INCENP: variants seen among roughly 807,000 people sequenced by gnomAD.
INCENP encodes the protein inner centromere protein.
In INCENP, 43 loss-of-function variants were observed where a neutral mutation model predicts 107.3. The observed-to-expected ratio is 0.40, with a 90% CI of 0.31 to 0.52. The LOEUF is 0.52. Among genes scored for constraint, INCENP ranks in the 20% least tolerant of loss-of-function variants. The pLI, the probability that INCENP is intolerant of heterozygous loss-of-function variation, is 0.53. For missense variants in INCENP, 1,089 were observed against 1,250.9 expected (o/e 0.87, Z 1.95); for synonymous variants, 488 against 494.4 (o/e 0.99, Z 0.17).
At position 62,129,807 on chromosome 11, in the gene INCENP, A is replaced by T; in HGVS notation, c.280A>T (p.Ser94Cys). Residue 94 changes from serine to cysteine, a missense_variant, in exon 4 of 19, where the codon AGC (serine) becomes TGC (cysteine). Physicochemically the swap from Ser to Cys is moderately radical, Grantham distance 112. Transcript: ENST00000394818. ...RRLSRRKSRS[S>C]QLSSRRLRSK... Reference sequence around the variant, plus strand: ...GTTATCCCGCAGAAAGTCTCGGAGCAGCCAGCTGAGCTCCCGACGCCTCCG... The same window carrying T: ...GTTATCCCGCAGAAAGTCTCGGAGCTGCCAGCTGAGCTCCCGACGCCTCCG... 1 of 1,608,680 alleles carries T rather than the reference A, an allele frequency of 6.2e-7. No individual in the cohort carries two copies. The highest frequency in any genetic ancestry group is 1.1e-5 in the South Asian group (1 of 91,056).
intron 4 of INCENP, among the ~76,000 whole-genome samples, chr11:62,131,086 T>A (rs1223401864): frequency 6.6e-6 from 1 of 152,118 alleles, no homozygotes; most frequent in Admixed American, 6.5e-5. Context: ...CTGTGTTTGA[T>A]CTGGAGGAGG....
In INCENP at chr11:62,128,719, G is replaced by A. The variant is rs376259961; in HGVS notation, c.141-51G>A. The A allele has an allele frequency of 3.1e-6, 4 of 1,282,060 alleles. No homozygotes were observed. The Admixed American group carries it at 5.0e-5, about 16-fold the overall frequency. The allele number at this position is 1,282,060 out of a possible 1,614,324, so 79.4% of individuals were successfully genotyped here. On this transcript the variant is annotated intron_variant, in intron 2 of 18. Coordinates refer to ENST00000394818, the MANE Select transcript of INCENP (RefSeq NM_001040694.2). ...AGGGGCCAGGCTGGGTGGGAGAGGG[G>A]ACCAGTGGTTCCCAGGCAGCCTCGA...
At chr11:62,148,969 A>G (rs1477458834) in intron 17 of INCENP, 123 bp downstream of exon 17, 5 of 517,884 alleles carry the variant, frequency 9.7e-6, no homozygotes, top group Admixed American at 7.7e-5. Flanking sequence ...ACTTGGCCCA[A>G]TTGTTTTTAC....
chr11:62,150,269 C>A (rs1565104303), intron 18 of INCENP, 62 bp downstream of exon 18: 6 of 1,568,836 alleles, frequency 3.8e-6, no homozygotes, highest in Non-Finnish European at 5.2e-6. Context: ...CCTTGAGGGC[C>A]CTGGAAGTAG....
intron 3 of INCENP, among the ~76,000 whole-genome samples, chr11:62,129,461 AGGCAG>A (rs1297909229): frequency 6.6e-6 from 1 of 152,130 alleles, no homozygotes; most frequent in Non-Finnish European, 1.5e-5. Context: ...CTCTGGATTA[AGGCAG>A]AGCGTGTGTA....
At chr11:62,138,171 A>T (rs1944032625) in intron 5 of INCENP, among the ~76,000 whole-genome samples, 1 of 152,206 alleles carries the variant, frequency 6.6e-6, no homozygotes, top group Non-Finnish European at 1.5e-5. Flanking sequence ...GAAGAGCTAC[A>T]TTCAAACTGG....
intron 17 of INCENP, among the ~76,000 whole-genome samples, chr11:62,149,240 T>G (rs1447785438): frequency 1.3e-5 from 2 of 152,154 alleles, no homozygotes; most frequent in East Asian, 3.9e-4. Flanking sequence ...TGGCTTGATT[T>G]CCAGGCCCCC....
In INCENP at chr11:62,130,274, G is replaced by C; in HGVS notation, c.747G>C (p.Gly249=). The C allele has an allele frequency of 1.9e-6, 3 of 1,612,856 alleles. No homozygotes were observed. Among genetic ancestry groups the C allele is most frequent in the Middle Eastern group, 1.6e-4 (1 of 6,062 alleles). The part of the protein sequence containing the change: ...TPQDPKGQGV[G]TGRSASKLRI... ...AGGACCCCAAGGGTCAAGGGGTCGG[G>C]ACGGGGCGGTCTGCGTCTAAGCTCA... The change falls in exon 4 of 19, where the codon GGG becomes GGC. Residue 249 remains glycine (G), a synonymous_variant. Coordinates refer to ENST00000394818, the MANE Select transcript of INCENP (RefSeq NM_001040694.2).
chr11:62,149,421 A>G (rs953629492), intron 17 of INCENP, among the ~76,000 whole-genome samples: 1 of 152,174 alleles, frequency 6.6e-6, no homozygotes, highest in Non-Finnish European at 1.5e-5. Context: ...AAACAAAACA[A>G]TGTTTTCATT....
rs762116366 is a variant in INCENP, at chr11:62,151,991, C to CT, written c.*17dup. The CT allele has an allele frequency of 9.4e-6, 15 of 1,594,040 alleles. No individual in the cohort carries two copies. The highest frequency in any genetic ancestry group is 6.7e-5 in the African/African-American group (5 of 74,594). ...AGAAGCACTGAGGCTGGCCTGCGGCCTTCTTGGCAGCCTCGCCTCCTGTCC... is the reference window on the plus strand; with the variant it reads ...AGAAGCACTGAGGCTGGCCTGCGGCCTTTCTTGGCAGCCTCGCCTCCTGTCC... On this transcript the variant is annotated 3_prime_UTR_variant, in exon 19 of 19. Transcript: ENST00000394818.
intron 11 of INCENP, among the ~76,000 whole-genome samples, chr11:62,144,335 C>CAAAAAA (rs3972386): frequency 0.02 from 2,610 of 133,786 alleles, 81 homozygotes; most frequent in African/African-American, 0.069. Flanking sequence ...TGTCTCCACA[C>CAAAAAA]AAAAAAAAAA....
At chr11:62,132,009 G>T (rs1201478478) in intron 4 of INCENP, among the ~76,000 whole-genome samples, 1 of 152,054 alleles carries the variant, frequency 6.6e-6, no homozygotes, top group African/African-American at 2.4e-5. Flanking sequence ...GGCTGGTTTC[G>T]AACTCCTGAC....
chr11:62,148,292 G>T (rs971938064), intron 15 of INCENP, among the ~76,000 whole-genome samples, 184 bp from the exon 16 acceptor site: 1 of 152,218 alleles, frequency 6.6e-6, no homozygotes, highest in African/African-American at 2.4e-5. Context: ...GCACCCTCAG[G>T]TGTGCACACT....
chr11:62,125,551 A>G (rs1341587722), intron 1 of INCENP, among the ~76,000 whole-genome samples: 4 of 152,268 alleles, frequency 2.6e-5, no homozygotes, highest in African/African-American at 7.2e-5. Context: ...GTTTCAGCCC[A>G]AAGCCTGTAC....
Position 62,140,159 on chromosome 11 carries a change from T to A in INCENP, c.1292-75T>A, listed in dbSNP as rs3741246. ...GCCAAGGCTGCTGCCCAAGGACCCC[T>A]TCCCCCTACACCCCCATTCCCACCC... On this transcript the variant is annotated intron_variant, in intron 7 of 18. Coordinates refer to ENST00000394818, the MANE Select transcript of INCENP (RefSeq NM_001040694.2). The A allele has an allele frequency of 0.24, 317,408 of 1,334,980 alleles. 41,386 individuals are homozygous for A. Among genetic ancestry groups the A allele is most frequent in the South Asian group, 0.41 (34,325 of 84,386 alleles). The allele number at this position is 1,334,980 out of a possible 1,614,324, so 82.7% of individuals were successfully genotyped here. A position where few individuals can be genotyped will look rare whatever the true frequency, so the allele number is the denominator to read the frequency against.
chr11:62,141,369 C>A, intron 10 of INCENP, 131 bp from the exon 11 acceptor site: 1 of 1,155,068 alleles, frequency 8.7e-7, no homozygotes, highest in South Asian at 1.3e-5. Flanking sequence ...ACAGGAGAGG[C>A]GGTGGGGGTG....
chr11:62,147,907 C>T (rs138428159), intron 15 of INCENP, among the ~76,000 whole-genome samples: 7 of 152,242 alleles, frequency 4.6e-5, no homozygotes, highest in South Asian at 4.2e-4. Context: ...GGTGGGTACC[C>T]GAGCTGCATG....
rs117911953 is a variant in INCENP at position 62,144,808 on chromosome 11, C to T, written c.1606-174C>T. ...CTCCTGGGAGGAAAGGCGGGAGCTG[C>T]GGGCCTTGGCTTGGGTGCTGTTGGG... is the stretch of plus-strand genomic sequence containing the variant. On this transcript the variant is annotated intron_variant, in intron 11 of 18. Coordinates refer to ENST00000394818, the MANE Select transcript of INCENP (RefSeq NM_001040694.2). The T allele has an allele frequency of 2.1e-3, 1,631 of 768,842 alleles. 52 individuals carry two copies. In the East Asian group the frequency reaches 0.038, roughly 18 times the overall value. 47.6% of individuals were successfully genotyped at this position (768,842 alleles called of 1,614,324 possible).
At chr11:62,125,944 T>C (rs1943739435) in intron 1 of INCENP, among the ~76,000 whole-genome samples, 1 of 152,178 alleles carries the variant, frequency 6.6e-6, no homozygotes, top group African/African-American at 2.4e-5. Flanking sequence ...CTACTTTAGA[T>C]TGGTTTTCAG....
Sources: allele counts gnomAD v4.1 joint callset (sites outside exome capture counted in the v4.1 genomes callset), GRCh38; gene constraint gnomAD v4.1.1; transcripts MANE v1.5; gene names NCBI Gene and HGNC (gene_info 2026-07-23, HGNC 2026-07-21).